The following SNAPC3 variants were observed in gnomAD, a reference collection of about 807,000 sequenced individuals.
The protein encoded by SNAPC3 is small nuclear RNA activating complex polypeptide 3, also known as snRNA-activating protein complex subunit 3.
In SNAPC3, 56 loss-of-function variants were observed where a neutral mutation model predicts 47.7. That is an observed-to-expected ratio of 1.18 (90% confidence interval 0.95 to 1.47). The LOEUF is 1.47. SNAPC3 is among the 40% of genes most tolerant of loss of function. The pLI, the probability that SNAPC3 is intolerant of heterozygous loss-of-function variation, is 0.00. For synonymous variants in SNAPC3, 235 were observed against 189.9 expected (o/e 1.24, Z -1.95); for missense variants, 665 against 511.3 (o/e 1.30, Z -2.90).
downstream of SNAPC3, chr9:15,465,091 C>A (rs1439943753): frequency 8.7e-6 from 2 of 228,760 alleles, no homozygotes; most frequent in Non-Finnish European, 1.7e-5. Flanking sequence ...ACAAAACCCA[C>A]AAACAGTGAA....
At chr9:15,436,685 A>T (rs762017669) in intron 3 of SNAPC3, among the ~76,000 whole-genome samples, 1 of 152,152 alleles carries the variant, frequency 6.6e-6, no homozygotes, top group Non-Finnish European at 1.5e-5. Context: ...AAAAAATGCC[A>T]TTGGGATTTT....
intron 7 of SNAPC3, among the ~76,000 whole-genome samples, chr9:15,457,020 G>A (rs927865071): frequency 2.6e-5 from 4 of 152,148 alleles, no homozygotes; most frequent in Non-Finnish European, 5.9e-5. Flanking sequence ...AGAATCTGAA[G>A]TCTGTCATCA....
intron 7 of SNAPC3, among the ~76,000 whole-genome samples, chr9:15,456,321 T>C (rs1391006255): frequency 6.6e-6 from 1 of 152,116 alleles, no homozygotes; most frequent in Non-Finnish European, 1.5e-5. Context: ...TTTCCGTACA[T>C]TTCTTATAGT....
intron 2 of SNAPC3, among the ~76,000 whole-genome samples, chr9:15,427,750 T>G (rs1191138749): frequency 6.6e-6 from 1 of 152,220 alleles, no homozygotes; most frequent in East Asian, 1.9e-4. Context: ...CAGGATGTAC[T>G]GTTTAAAGGT....
chr9:15,440,986 C>T (rs1385222352), intron 3 of SNAPC3, among the ~76,000 whole-genome samples: 10 of 151,568 alleles, frequency 6.6e-5, no homozygotes, highest in African/African-American at 7.3e-5. Flanking sequence ...TCAGTCCATC[C>T]GTCTATCTGC....
Position 15,460,033 on chromosome 9 carries a change from AATGTTT to A in SNAPC3, c.*170_*175del. The A allele has an allele frequency of 2.0e-6, 1 of 489,630 alleles. No homozygotes were observed. The highest frequency in any genetic ancestry group is 3.2e-5 in the East Asian group (1 of 31,726). 30.3% of individuals were successfully genotyped at this position (489,630 alleles called of 1,614,324 possible). Reference sequence around the variant, plus strand: ...GATTTTCTTATAATGATAGTATTTAAATGTTTATAACATAGTTTAATTTTATATTTA... The same window carrying A: ...GATTTTCTTATAATGATAGTATTTAAATAACATAGTTTAATTTTATATTTA... On this transcript the variant is annotated 3_prime_UTR_variant, in exon 9 of 9. Coordinates refer to ENST00000380821, the MANE Select transcript of SNAPC3 (RefSeq NM_001039697.2).
chr9:15,430,209 T>C (rs1226378827), intron 2 of SNAPC3, among the ~76,000 whole-genome samples: 1 of 152,152 alleles, frequency 6.6e-6, no homozygotes, highest in Admixed American at 6.5e-5. Context: ...GATGGAAGGA[T>C]TGCTTGAGCC....
chr9:15,466,632 G>T, downstream of SNAPC3: 2 of 724,344 alleles, frequency 2.8e-6, no homozygotes, highest in Non-Finnish European at 4.3e-6. Flanking sequence ...CTGAATTCAG[G>T]AATTGGGTGA....
rs192937989 is a variant in SNAPC3, at chr9:15,444,012, C to G, written c.478-590C>G. 2.0e-5 allele frequency among the ~76,000 whole-genome samples: 3 copies of G among 152,340 alleles called. No homozygotes were observed. In the East Asian group the frequency reaches 5.8e-4, roughly 29 times the overall value. On this transcript the variant is annotated intron_variant, in intron 3 of 8. Transcript: ENST00000380821. ...GGACTAGGCCCTGGAGCTGCCTACT[C>G]TATTTTGTGACATGATTCCCACTTA...
intron 2 of SNAPC3, among the ~76,000 whole-genome samples, chr9:15,424,940 G>A (rs4741498): frequency 0.94 from 142,703 of 152,250 alleles, 67,044 homozygotes; most frequent in African/African-American, 0.98. Context: ...CTGGAGCACT[G>A]TGCAAGGTTC....
chr9:15,459,966 T>G lies in SNAPC3; in HGVS notation c.*100T>G. The G allele has an allele frequency of 2.9e-6, 3 of 1,045,046 alleles. No homozygotes were observed. Among genetic ancestry groups the G allele is most frequent in the Non-Finnish European group, 4.2e-6 (3 of 722,326 alleles). The allele number at this position is 1,045,046 out of a possible 1,614,324, so 64.7% of individuals were successfully genotyped here. ...CGCCACTGAGGAACAGGATCCACTT[T>G]GAACAGTCCGCTAAAGCTATCAAAA... is the stretch of plus-strand genomic sequence containing the variant. On this transcript the variant is annotated 3_prime_UTR_variant, in exon 9 of 9. Coordinates refer to ENST00000380821, the MANE Select transcript of SNAPC3 (RefSeq NM_001039697.2).
At chr9:15,465,677 AAAGACTG>A (rs2035575776), downstream of SNAPC3, 1 of 1,009,594 alleles carries the variant, frequency 9.9e-7, no homozygotes, top group African/African-American at 1.7e-5. Context: ...AAACCCATGA[AAAGACTG>A]AAACCAACCA....
At chr9:15,424,008 T>C (rs1563836404) in intron 2 of SNAPC3, 22 bp downstream of exon 2, 1 of 1,379,768 alleles carries the variant, frequency 7.2e-7, no homozygotes, top group Non-Finnish European at 1.0e-6. Context: ...TTGGTTTTTA[T>C]GACCTATTTA....
Position 15,458,084 on chromosome 9 carries a change from T to TC in SNAPC3, c.1088+17_1088+18insC. 7.3e-7 allele frequency: 1 copy of TC among 1,370,756 alleles called. No homozygotes were observed. The highest frequency in any genetic ancestry group is 9.9e-7 in the Non-Finnish European group (1 of 1,006,728). 84.9% of individuals were successfully genotyped at this position (1,370,756 alleles called of 1,614,324 possible). The stretch of plus-strand genomic sequence containing the variant: ...TACAGCCAGGTGAGTGATAATGTAT[T>TC]TTTTTTTTTCTCTGAGAAATGGCAG... On this transcript the variant is annotated intron_variant, in intron 8 of 8. Coordinates refer to ENST00000380821, the MANE Select transcript of SNAPC3 (RefSeq NM_001039697.2).
downstream of SNAPC3, chr9:15,465,174 G>A (rs971317842): frequency 8.1e-6 from 2 of 248,296 alleles, no homozygotes; most frequent in African/African-American, 4.4e-5. Context: ...AAGAGGCAAG[G>A]TTTATACAAG....
chr9:15,452,895 A>G (rs531938124), intron 6 of SNAPC3, 146 bp from the exon 7 acceptor site: 12 of 586,214 alleles, frequency 2.0e-5, no homozygotes, highest in African/African-American at 1.5e-4. Context: ...ACATGTGTCA[A>G]ACATTTTGGT....
downstream of SNAPC3, chr9:15,463,905 C>G (rs993969603): frequency 7.4e-6 from 1 of 135,282 alleles, no homozygotes; most frequent in Non-Finnish European, 1.6e-5. Flanking sequence ...ATAAATATTA[C>G]CTTTATTTTT....
rs373358593 is a variant in SNAPC3, at chr9:15,453,059, A to G, written c.834A>G (p.Ser278=). The G allele has an allele frequency of 9.9e-6, 16 of 1,613,342 alleles. No individual in the cohort carries two copies. In the African/African-American group the frequency reaches 2.0e-4, roughly 20 times the overall value. Residue 278 remains serine, a synonymous_variant, in exon 7 of 9, where the codon TCA becomes TCG. Transcript: ENST00000380821. ...RDLSRTIIEW[S]ESHDRGYGKF... is the part of the protein sequence containing the mutation. ...CCCTCAGAACTATCATTGAGTGGTC[A>G]GAGTCCCATGATAGAGGCTATGGAA...
rs1466153744 is a variant in SNAPC3, at chr9:15,451,329, A to G, written c.742A>G (p.Lys248Glu). The change falls in exon 6 of 9, where the codon AAA becomes GAA. Residue 248 changes from lysine to glutamate, a missense_variant. Transcript: ENST00000380821. ...ATCTGTTTTCTTGTAGGACCTATACAAATCAGCCTTCTTTTATTTTGAAGG... is the reference window on the plus strand; with the variant it reads ...ATCTGTTTTCTTGTAGGACCTATACGAATCAGCCTTCTTTTATTTTGAAGG... Reference protein sequence around the residue: ...APEHISKDLYKSAFFYFEGTF... With the variant: ...APEHISKDLYESAFFYFEGTF... The G allele has an allele frequency of 6.9e-7, 1 of 1,448,324 alleles. No individual in the cohort carries two copies. The highest frequency in any genetic ancestry group is 9.6e-7 in the Non-Finnish European group (1 of 1,044,724). 89.7% of individuals were successfully genotyped at this position (1,448,324 alleles called of 1,614,324 possible).
Sources: allele counts gnomAD v4.1 joint callset (sites outside exome capture counted in the v4.1 genomes callset), GRCh38; gene constraint gnomAD v4.1.1; transcripts MANE v1.5; gene names NCBI Gene and HGNC (gene_info 2026-07-23, HGNC 2026-07-21).